The following CELSR1 variants were observed in gnomAD, a reference collection of about 807,000 sequenced individuals.
The protein encoded by CELSR1 is adhesion G protein-coupled receptor C1.
CELSR1 carries 110 observed loss-of-function variants against 249.1 expected under a neutral mutation model. The observed-to-expected ratio is 0.44, with a 90% CI of 0.38 to 0.52. The LOEUF is 0.52. CELSR1 is among the 20% of genes least tolerant of loss of function. The pLI, the probability that CELSR1 is intolerant of heterozygous loss-of-function variation, is 0.00. For missense variants in CELSR1, 4,109 were observed against 4,296.4 expected, an observed-to-expected ratio of 0.96 and a Z score of 1.22; for synonymous variants, 2,113 against 1,900.0, an observed-to-expected ratio of 1.11 and a Z score of -2.92.
Position 46,488,729 on chromosome 22 carries a change from G to A in CELSR1, c.3545-24384C>T, listed in dbSNP as rs192343621. Among the ~76,000 whole-genome samples, 3 of 151,412 alleles carry A rather than the reference G, an allele frequency of 2.0e-5. No homozygotes were observed. The highest frequency in any genetic ancestry group is 2.0e-4 in the Admixed American group (3 of 15,202). On this transcript the variant is annotated intron_variant, in intron 1 of 34. Coordinates refer to ENST00000674500, the MANE Select transcript of CELSR1 (RefSeq NM_001378328.1). The surrounding 1 kb of genome is among the most constrained non-coding windows in gnomAD (Gnocchi z 4.7). ...GGCTGGAGTTCAGTGGCGTGATCTC[G>A]GCTCACTGCAAGCTCCACCTCCCAG... is the stretch of plus-strand genomic sequence containing the variant.
chr22:46,463,214 G>T (rs114873523), intron 2 of CELSR1, among the ~76,000 whole-genome samples: 2,994 of 152,320 alleles, frequency 0.02, 90 homozygotes, highest in African/African-American at 0.066. Context: ...CCCCGAGCTG[G>T]CTAAGAAAGT....
At chr22:46,508,918 G>A (rs957432834) in intron 1 of CELSR1, among the ~76,000 whole-genome samples, 4 of 152,174 alleles carry the variant, frequency 2.6e-5, no homozygotes, top group Admixed American at 6.5e-5. Flanking sequence ...CAGCGGCTAC[G>A]ATGGTCAAAG....
At chr22:46,451,726 G>A (rs939782491) in intron 2 of CELSR1, among the ~76,000 whole-genome samples, 16 of 152,178 alleles carry the variant, frequency 1.1e-4, no homozygotes, top group Non-Finnish European at 2.2e-4. Flanking sequence ...TGGGCTACAC[G>A]GTGGCCCCCA....
chr22:46,505,652 A>G (rs1011165110), intron 1 of CELSR1, among the ~76,000 whole-genome samples: 11 of 152,142 alleles, frequency 7.2e-5, no homozygotes, highest in Non-Finnish European at 5.9e-5. Flanking sequence ...AAATAAATTA[A>G]TAAATAAAAA....
intron 2 of CELSR1, among the ~76,000 whole-genome samples, chr22:46,455,727 G>GGTGGGCT (rs1437593583): frequency 8.5e-5 from 13 of 152,292 alleles, no homozygotes; most frequent in Admixed American, 3.3e-4. Context: ...CTCCAGTGCT[G>GGTGGGCT]GTGGGCTGTG....
intron 2 of CELSR1, among the ~76,000 whole-genome samples, chr22:46,456,122 C>T (rs986820927): frequency 5.3e-5 from 8 of 152,354 alleles, no homozygotes; most frequent in Admixed American, 2.0e-4. Context: ...TGATAATTAA[C>T]GCTCAAGTTT....
At chr22:46,438,123 A>G (rs929268048) in intron 3 of CELSR1, among the ~76,000 whole-genome samples, 5 of 151,918 alleles carry the variant, frequency 3.3e-5, no homozygotes, top group Non-Finnish European at 5.9e-5. Context: ...AGCCGAGGGG[A>G]GGGTTGGAAC....
intron 1 of CELSR1, among the ~76,000 whole-genome samples, chr22:46,528,398 C>T (rs1024345245): frequency 3.3e-5 from 5 of 152,108 alleles, no homozygotes; most frequent in East Asian, 1.9e-4. Context: ...ATGACTCATC[C>T]GCCAATCATT....
At position 46,396,804 on chromosome 22, in the gene CELSR1, AAATATCTGG is replaced by A; in HGVS notation, c.5702-67_5702-59del. ...ACAATCCACGAGACCTTCCACGTTA[AAATATCTGG>A]AGCAACCTGTCCCCTCCAGAAGATC... On this transcript the variant is annotated intron_variant, in intron 12 of 34. Coordinates refer to ENST00000674500, the MANE Select transcript of CELSR1 (RefSeq NM_001378328.1). This position sits in a 1 kb window ranked among gnomAD's most constrained non-coding sequence, Gnocchi z 6.4. 1 of 1,578,130 alleles carries A rather than the reference AAATATCTGG, an allele frequency of 6.3e-7. No homozygotes were observed. The highest frequency in any genetic ancestry group is 8.6e-7 in the Non-Finnish European group (1 of 1,161,982).
At chr22:46,453,854 T>C (rs2079914619) in intron 2 of CELSR1, among the ~76,000 whole-genome samples, 1 of 151,998 alleles carries the variant, frequency 6.6e-6, no homozygotes, top group South Asian at 2.1e-4. Flanking sequence ...TCAACAAATA[T>C]TTACCGGGTG....
rs1388035384 is a variant in CELSR1 at position 46,394,157 on chromosome 22, G to T, written c.5949C>A (p.Gly1983=). ...GFDPDCNKTN[G]QCQCKENYYK... is the part of the protein sequence containing the mutation. ...GGGGCCTCACCTTGCATTGGCACTG[G>T]CCGTTGGTCTTATTACAGTCGGGAT... The change falls in exon 14 of 35, where the codon GGC becomes GGA. Residue 1983 remains glycine (G), a synonymous_variant. Transcript: ENST00000674500. 1.2e-6 allele frequency: 2 copies of T among 1,613,858 alleles called. No individual in the cohort carries two copies. Among genetic ancestry groups the T allele is most frequent in the Admixed American group, 3.3e-5 (2 of 60,002 alleles).
At chr22:46,520,418 T>TA (rs1284511136) in intron 1 of CELSR1, among the ~76,000 whole-genome samples, 1 of 151,566 alleles carries the variant, frequency 6.6e-6, no homozygotes, top group African/African-American at 2.4e-5. Flanking sequence ...TTCTAGCATT[T>TA]TTTTCTTGTA....
intron 1 of CELSR1, among the ~76,000 whole-genome samples, chr22:46,523,570 G>C (rs9616035): frequency 7.8e-6 from 1 of 128,034 alleles, no homozygotes; most frequent in Non-Finnish European, 1.6e-5. Context: ...AAAATAAAAA[G>C]AAAGAAAAAT....
rs754000718 is a variant in CELSR1, at chr22:46,439,225, C to G, written c.4370G>C (p.Gly1457Ala). ...GGTGAAGTGGAAGCGCTGTCTCAGG[C>G]CCCGGAAGGTGACGAAGGACTGGGG... is the stretch of plus-strand genomic sequence containing the variant. Reference protein sequence around the residue: ...FPPQSFVTFRGLRQRFHFTIS... With the variant: ...FPPQSFVTFRALRQRFHFTIS... Residue 1457 changes from glycine (G) to alanine (A), a missense_variant, in exon 3 of 35, where the codon GGC becomes GCC. Gly to Ala is a moderately conservative substitution (Grantham distance 60, BLOSUM62 0). Around this residue, in one of 7 missense-constraint regions of CELSR1, gnomAD observed 453 missense variants for 492.0 expected, o/e 0.92. Coordinates refer to ENST00000674500, the MANE Select transcript of CELSR1 (RefSeq NM_001378328.1). The G allele has an allele frequency of 3.1e-6, 5 of 1,613,958 alleles. No homozygotes were observed. In the East Asian group the frequency reaches 1.1e-4, roughly 36 times the overall value.
intron 2 of CELSR1, among the ~76,000 whole-genome samples, chr22:46,461,641 A>G (rs976289584): frequency 2.4e-4 from 37 of 152,314 alleles, no homozygotes; most frequent in Non-Finnish European, 5.0e-4. Context: ...GCACAGATGA[A>G]CTTGGTCACC....
intron 3 of CELSR1, among the ~76,000 whole-genome samples, chr22:46,438,592 T>A (rs77461209): frequency 6.6e-6 from 1 of 152,166 alleles, no homozygotes. Context: ...ATCTCAGACA[T>A]ACAGAATCTG....
Position 46,448,597 on chromosome 22 carries a change from AT to A in CELSR1, c.4184-9187del, listed in dbSNP as rs1051375214. 3.7e-5 allele frequency: 16 copies of A among 433,584 alleles called. No homozygotes were observed. Among genetic ancestry groups the A allele is most frequent in the Non-Finnish European group, 5.9e-5 (13 of 218,768 alleles). 26.9% of individuals were successfully genotyped at this position (433,584 alleles called of 1,614,324 possible). ...AGAGCTTTGAACTAGAAAAACTAGA[AT>A]TTCCAAAGGCCACAATGGTAAAACT... On this transcript the variant is annotated intron_variant, in intron 2 of 34. Transcript: ENST00000674500. This position sits in a 1 kb window ranked among gnomAD's most constrained non-coding sequence, Gnocchi z 5.7.
rs530906422 is a variant in CELSR1 at position 46,484,609 on chromosome 22, C to T, written c.3545-20264G>A. Among the ~76,000 whole-genome samples the T allele has an allele frequency of 6.7e-6, 1 of 148,842 alleles. No homozygotes were observed. The highest frequency in any genetic ancestry group is 2.0e-4 in the East Asian group (1 of 5,062). ...GCAAGGGGCAGCTGCGCTCACATAC[C>T]ACGAGAGCTACCTGGCCCACTCACT... On this transcript the variant is annotated intron_variant, in intron 1 of 34. Coordinates refer to ENST00000674500, the MANE Select transcript of CELSR1 (RefSeq NM_001378328.1). This position sits in a 1 kb window ranked among gnomAD's most constrained non-coding sequence, Gnocchi z 4.5.
At chr22:46,376,786 T>G (rs1329490688) in intron 24 of CELSR1, among the ~76,000 whole-genome samples, 2 of 147,146 alleles carry the variant, frequency 1.4e-5, no homozygotes, top group Non-Finnish European at 3.0e-5. Context: ...CAGCCTGGAT[T>G]GACAGAGCGA....
Sources: gnomAD v4.1 joint callset for allele counts (sites outside exome capture counted in the v4.1 genomes callset) on GRCh38, gnomAD v4.1.1 for gene constraint, gnomAD v4.1.1 regional missense constraint, Gnocchi (gnomAD v3.1) non-coding constraint, MANE v1.5 for transcripts, NCBI Gene and HGNC (gene_info 2026-07-23, HGNC 2026-07-21) for gene names.